ANKS1B: variants seen among roughly 807,000 people sequenced by gnomAD.
ANKS1B encodes ankyrin repeat and sterile alpha motif domain containing 1B.
A neutral mutation model predicts 148.3 loss-of-function variants in ANKS1B; 36 were observed. The observed-to-expected ratio is 0.24, with a 90% CI of 0.19 to 0.32. The LOEUF (loss-of-function observed/expected upper bound fraction) is 0.32. Ranked by LOEUF, ANKS1B falls within the 10% of genes least tolerant of loss-of-function variation. The probability of loss-of-function intolerance (pLI) is 1.00; values close to 1 mark genes in which losing one functional copy is unlikely to be tolerated. For missense variants in ANKS1B, 1,157 were observed against 1,542.6 expected (o/e 0.75, Z 4.19); for synonymous variants, 542 against 560.8 (o/e 0.97, Z 0.47).
intron 17 of ANKS1B, among the ~76,000 whole-genome samples, chr12:98,904,589 T>G (rs2099776430): frequency 6.6e-6 from 1 of 152,218 alleles, no homozygotes. Flanking sequence ...GTTCAGCCCT[T>G]AAGACTGGTT....
chr12:99,152,332 A>C (rs1260001275), intron 15 of ANKS1B, among the ~76,000 whole-genome samples: 1 of 152,164 alleles, frequency 6.6e-6, no homozygotes, highest in African/African-American at 2.4e-5. Flanking sequence ...CTCATGAAGA[A>C]AGTATTTGAT....
At chr12:99,490,421 G>C (rs774093673) in intron 10 of ANKS1B, among the ~76,000 whole-genome samples, 1 of 152,208 alleles carries the variant, frequency 6.6e-6, no homozygotes, top group African/African-American at 2.4e-5. Flanking sequence ...TGAAATCACA[G>C]ATCTGGATAT....
intron 14 of ANKS1B, among the ~76,000 whole-genome samples, chr12:99,165,969 T>C (rs1052912055): frequency 6.6e-6 from 1 of 151,848 alleles, no homozygotes; most frequent in African/African-American, 2.4e-5. Flanking sequence ...CAAGGTCTCT[T>C]AAACATGGGA....
intron 17 of ANKS1B, among the ~76,000 whole-genome samples, chr12:98,838,483 G>A (rs540332880): frequency 6.6e-6 from 1 of 152,292 alleles, no homozygotes; most frequent in South Asian, 2.1e-4. Flanking sequence ...TTGGAGTTCA[G>A]ATTTAGCTGA....
intron 12 of ANKS1B, among the ~76,000 whole-genome samples, chr12:99,269,029 A>G (rs775473214): frequency 1.1e-4 from 16 of 152,202 alleles, no homozygotes; most frequent in Admixed American, 3.9e-4. Context: ...AATCATTACA[A>G]ATACACACAG....
chr12:98,814,761 T>C (rs1016069846), intron 19 of ANKS1B, among the ~76,000 whole-genome samples: 6 of 152,206 alleles, frequency 3.9e-5, no homozygotes, highest in African/African-American at 1.2e-4. Context: ...TGAATTACTA[T>C]GAAACCCAAA....
intron 17 of ANKS1B, among the ~76,000 whole-genome samples, chr12:98,927,254 C>T (rs762068362): frequency 3.3e-5 from 5 of 152,012 alleles, no homozygotes; most frequent in Admixed American, 6.6e-5. Context: ...CCAGCAAAAC[C>T]ACCAGTTAAA....
chr12:99,318,515 AT>A (rs2084596621), intron 12 of ANKS1B, among the ~76,000 whole-genome samples: 1 of 152,060 alleles, frequency 6.6e-6, no homozygotes, highest in Admixed American at 6.5e-5. Flanking sequence ...CAGTGGTGAT[AT>A]CCCCTTTATC....
At chr12:99,526,208 G>A (rs1313336741) in intron 9 of ANKS1B, among the ~76,000 whole-genome samples, 2 of 152,182 alleles carry the variant, frequency 1.3e-5, no homozygotes, top group Admixed American at 1.3e-4. Flanking sequence ...CTAACCATCT[G>A]TTAGTCAAAG....
At chr12:99,289,051 G>A (rs1404202861) in intron 12 of ANKS1B, among the ~76,000 whole-genome samples, 2 of 151,788 alleles carry the variant, frequency 1.3e-5, no homozygotes, top group African/African-American at 4.8e-5. Flanking sequence ...AACTCATCGA[G>A]ACTGAAAATG....
intron 9 of ANKS1B, among the ~76,000 whole-genome samples, chr12:99,600,340 T>C (rs1253748932): frequency 2.6e-5 from 4 of 151,978 alleles, no homozygotes. Context: ...TTAAAACTTT[T>C]TCATCCCGTG....
intron 8 of ANKS1B, among the ~76,000 whole-genome samples, chr12:99,724,721 G>A (rs551782327): frequency 2.6e-5 from 4 of 152,128 alleles, no homozygotes; most frequent in East Asian, 1.9e-4. Flanking sequence ...CTCCAAGGTC[G>A]AAAGGAAGGA....
chr12:99,764,613 G>T (rs1280729047), intron 8 of ANKS1B, among the ~76,000 whole-genome samples: 1 of 152,114 alleles, frequency 6.6e-6, no homozygotes, highest in African/African-American at 2.4e-5. Context: ...AGTAAAGATG[G>T]AGTTTCACCA....
At chr12:99,213,971 T>C (rs1175434433) in intron 14 of ANKS1B, among the ~76,000 whole-genome samples, 4 of 152,184 alleles carry the variant, frequency 2.6e-5, no homozygotes, top group Non-Finnish European at 4.4e-5. Context: ...CAGAGGACAA[T>C]ACTGTGTGGA....
intron 15 of ANKS1B, among the ~76,000 whole-genome samples, chr12:99,133,011 T>C (rs1453863216): frequency 2.0e-5 from 3 of 150,350 alleles, no homozygotes; most frequent in Non-Finnish European, 4.4e-5. Context: ...CTTAAGTATA[T>C]GGCAACATGG....
chr12:98,772,371 C>T (rs2098597679), intron 25 of ANKS1B, among the ~76,000 whole-genome samples: 1 of 152,154 alleles, frequency 6.6e-6, no homozygotes, highest in Non-Finnish European at 1.5e-5. Flanking sequence ...TGTGAGGACA[C>T]AGCAAGTACG....
intron 1 of ANKS1B, among the ~76,000 whole-genome samples, chr12:99,858,922 G>A (rs981632267): frequency 1.2e-4 from 19 of 152,054 alleles, no homozygotes; most frequent in African/African-American, 4.1e-4. Flanking sequence ...TGGGTACAGC[G>A]TACACTCCTC....
chr12:99,198,198 T>C (rs2081617497), intron 14 of ANKS1B, among the ~76,000 whole-genome samples: 1 of 152,180 alleles, frequency 6.6e-6, no homozygotes, highest in African/African-American at 2.4e-5. Flanking sequence ...TAAAGTGCTG[T>C]ATGAAATTTG....
At chr12:99,789,669 G>A (rs1319355911) in intron 4 of ANKS1B, among the ~76,000 whole-genome samples, 1 of 151,508 alleles carries the variant, frequency 6.6e-6, no homozygotes, top group African/African-American at 2.4e-5. Context: ...TTGATGTAAT[G>A]AAGAATGCAT....
Sources: allele counts gnomAD v4.1 joint callset (sites outside exome capture counted in the v4.1 genomes callset), GRCh38; gene constraint gnomAD v4.1.1; transcripts MANE v1.5; gene names NCBI Gene and HGNC (gene_info 2026-07-23, HGNC 2026-07-21).